Variants in DEXI observed in about 807,000 individuals in gnomAD.
DEXI encodes dexamethasone-induced protein.
In DEXI, 2 loss-of-function variants were observed where a neutral mutation model predicts 2.5. The observed-to-expected ratio is 0.81, with a 90% CI of 0.33 to 2.55. DEXI has a LOEUF of 2.55. DEXI is among the 30% of genes most tolerant of loss of function. The pLI is 0.11. For synonymous variants in DEXI, 71 were observed against 68.7 expected (o/e 1.03, Z -0.17); for missense variants, 108 against 130.3 (o/e 0.83, Z 0.83).
chr16:10,931,318 A>T (rs747462138), intron 1 of DEXI: 1 of 152,708 alleles, frequency 6.5e-6, no homozygotes, highest in Admixed American at 6.5e-5. Context: ...AAAAAAAGAG[A>T]AGATGGAATC....
At chr16:10,935,957 C>A (rs932513820) in intron 1 of DEXI, 8 of 151,332 alleles carry the variant, frequency 5.3e-5, no homozygotes, top group South Asian at 2.1e-4. Flanking sequence ...CAACTCTCCC[C>A]TTTTTATTGT....
At chr16:10,933,983 G>A (rs937967039) in intron 1 of DEXI, 2 of 152,220 alleles carry the variant, frequency 1.3e-5, no homozygotes, top group East Asian at 1.9e-4. Flanking sequence ...GAAGCTGCCT[G>A]TCTCTGCACA....
chr16:10,941,518 C>T lies in DEXI; in HGVS notation c.*149+51G>A, dbSNP rs968516570. 5.0e-6 allele frequency: 7 copies of T among 1,394,946 alleles called. No individual in the cohort carries two copies. In the Admixed American group the frequency reaches 1.9e-4, roughly 37 times the overall value. 86.4% of individuals were successfully genotyped at this position (1,394,946 alleles called of 1,614,324 possible). Reference sequence around the variant, plus strand: ...ATCCGGCCTGGGAATTCCTCCCTCTCCCTTGCTAGCGCCCCAACCCGCCCT... The same window carrying T: ...ATCCGGCCTGGGAATTCCTCCCTCTTCCTTGCTAGCGCCCCAACCCGCCCT... On this transcript the variant is annotated intron_variant, in intron 1 of 1. Transcript: ENST00000331808. The surrounding 1 kb of genome is among the most constrained non-coding windows in gnomAD (Gnocchi z 6.4).
Position 10,942,030 on chromosome 16 carries a change from C to A in DEXI, c.-25G>T. The A allele has an allele frequency of 7.3e-7, 1 of 1,375,244 alleles. No individual in the cohort carries two copies. Among genetic ancestry groups the A allele is most frequent in the Non-Finnish European group, 9.4e-7 (1 of 1,066,236 alleles). The allele number at this position is 1,375,244 out of a possible 1,614,324, so 85.2% of individuals were successfully genotyped here. On this transcript the variant is annotated 5_prime_UTR_variant, in exon 1 of 2. Coordinates refer to ENST00000331808, the MANE Select transcript of DEXI (RefSeq NM_014015.4). This position sits in a 1 kb window ranked among gnomAD's most constrained non-coding sequence, Gnocchi z 5.0. ...TGCAGCGGGTGGCAAGGGCGGCGGCCCGGCGATCCCGGCGAACTCAGCCGC... is the reference window on the plus strand; with the variant it reads ...TGCAGCGGGTGGCAAGGGCGGCGGCACGGCGATCCCGGCGAACTCAGCCGC...
At position 10,937,513 on chromosome 16, in the gene DEXI, T is replaced by C. The variant is rs1000961696; in HGVS notation, c.*149+4056A>G. 5 of 152,232 alleles carry C rather than the reference T, an allele frequency of 3.3e-5. No homozygotes were observed. The highest frequency in any genetic ancestry group is 9.7e-5 in the African/African-American group (4 of 41,426). The allele number at this position is 152,232 out of a possible 1,614,324, so 9.4% of individuals were successfully genotyped here. On this transcript the variant is annotated intron_variant, in intron 1 of 1. Transcript: ENST00000331808. The surrounding 1 kb of genome is among the most constrained non-coding windows in gnomAD (Gnocchi z 4.2). ...AAGCCTAGGAAATCCTGGAATAAGATAGACCAATGCATCGATAACCCTCAG... is the reference window on the plus strand; with the variant it reads ...AAGCCTAGGAAATCCTGGAATAAGACAGACCAATGCATCGATAACCCTCAG...
In DEXI at chr16:10,941,987, C is replaced by G; in HGVS notation, c.19G>C (p.Ala7Pro). ...GGGCCCAGTGCGTCCAGGTGGGCCGCGACCCGGGCGCCGAGCATGCAGCGG... is the reference window on the plus strand; with the variant it reads ...GGGCCCAGTGCGTCCAGGTGGGCCGGGACCCGGGCGCCGAGCATGCAGCGG... MLGARV[A>P]AHLDALGPLV... is the part of the protein sequence containing the mutation. Residue 7 changes from alanine (A) to proline (P), a missense_variant, in exon 1 of 2, where the codon GCG (alanine) becomes CCG (proline). Physicochemically the swap from Ala to Pro is conservative, Grantham distance 27. Transcript: ENST00000331808. The surrounding 1 kb of genome is among the most constrained non-coding windows in gnomAD (Gnocchi z 6.4). The G allele has an allele frequency of 6.7e-7, 1 of 1,485,772 alleles. No individual in the cohort carries two copies. The highest frequency in any genetic ancestry group is 9.0e-7 in the Non-Finnish European group (1 of 1,116,830). 92.0% of individuals were successfully genotyped at this position (1,485,772 alleles called of 1,614,324 possible).
chr16:10,930,984 T>G (rs939175853), intron 1 of DEXI: 1 of 152,312 alleles, frequency 6.6e-6, no homozygotes, highest in African/African-American at 2.4e-5. Context: ...CCAAGGCCTG[T>G]GGTCATCCTT....
intron 1 of DEXI, chr16:10,932,305 T>C (rs532219357): frequency 3.9e-4 from 60 of 152,364 alleles, no homozygotes; most frequent in African/African-American, 1.4e-3. Flanking sequence ...GCATTTACTT[T>C]GTGTTCACCT....
rs578244624 is a variant in DEXI at position 10,941,466 on chromosome 16, G to A, written c.*149+103C>T. 8.4e-7 allele frequency: 1 copy of A among 1,186,578 alleles called. No individual in the cohort carries two copies. Among genetic ancestry groups the A allele is most frequent in the African/African-American group, 1.6e-5 (1 of 64,240 alleles). 73.5% of individuals were successfully genotyped at this position (1,186,578 alleles called of 1,614,324 possible). ...CAGTTAGACCTGGAGGAGGTGAACG[G>A]AGGAGAAGCCTGAGGGAGGGGTGTG... On this transcript the variant is annotated intron_variant, in intron 1 of 1. Transcript: ENST00000331808. This position sits in a 1 kb window ranked among gnomAD's most constrained non-coding sequence, Gnocchi z 6.4.
In DEXI at chr16:10,940,456, T is replaced by A. The variant is rs1198012918; in HGVS notation, c.*149+1113A>T. 1 of 152,252 alleles carries A rather than the reference T, an allele frequency of 6.6e-6. No homozygotes were observed. The highest frequency in any genetic ancestry group is 1.9e-4 in the East Asian group (1 of 5,192). 9.4% of individuals were successfully genotyped at this position (152,252 alleles called of 1,614,324 possible). ...CTCAGCCTGCTTGCGGTGAATGGCA[T>A]TAGTGTCCATTTTCCTAAAGGAGCC... On this transcript the variant is annotated intron_variant, in intron 1 of 1. Coordinates refer to ENST00000331808, the MANE Select transcript of DEXI (RefSeq NM_014015.4). The surrounding 1 kb of genome is among the most constrained non-coding windows in gnomAD (Gnocchi z 4.2).
chr16:10,932,666 CAAA>C (rs796631325), intron 1 of DEXI: 3 of 143,972 alleles, frequency 2.1e-5, no homozygotes, highest in African/African-American at 7.8e-5. Flanking sequence ...CACACACACA[CAAA>C]AAAACACAAA....
At chr16:10,936,890 AT>A (rs1273168223) in intron 1 of DEXI, 1 of 152,240 alleles carries the variant, frequency 6.6e-6, no homozygotes, top group Non-Finnish European at 1.5e-5. Context: ...AAAGCCGAGT[AT>A]GCTTTCAGAA....
chr16:10,932,835 A>C (rs1193770115), intron 1 of DEXI: 3 of 151,746 alleles, frequency 2.0e-5, no homozygotes. Flanking sequence ...CTACAGGCGC[A>C]TGTCACCATG....
intron 1 of DEXI, chr16:10,936,567 C>T (rs1196848237): frequency 6.6e-6 from 1 of 152,210 alleles, no homozygotes; most frequent in African/African-American, 2.4e-5. Flanking sequence ...GCTCTTGCAA[C>T]TTTTCTGTAA....
Position 10,942,234 on chromosome 16 carries a change from C to A in DEXI, c.-229G>T, listed in dbSNP as rs948916558. 22 of 377,166 alleles carry A rather than the reference C, an allele frequency of 5.8e-5. No homozygotes were observed. The highest frequency in any genetic ancestry group is 1.5e-4 in the Admixed American group (3 of 20,102). The allele number at this position is 377,166 out of a possible 1,614,324, so 23.4% of individuals were successfully genotyped here. On this transcript the variant is annotated 5_prime_UTR_variant, in exon 1 of 2. Transcript: ENST00000331808. The surrounding 1 kb of genome is among the most constrained non-coding windows in gnomAD (Gnocchi z 5.0). ...CCCAAGGATCTCTCGACCGCCCGGG[C>A]GGCGAGGCGGGCCCCCCTGAAGTGG...
Position 10,942,233 on chromosome 16 carries a change from G to A in DEXI, c.-228C>T. ...CCCCAAGGATCTCTCGACCGCCCGG[G>A]CGGCGAGGCGGGCCCCCCTGAAGTG... On this transcript the variant is annotated 5_prime_UTR_variant, in exon 1 of 2. Coordinates refer to ENST00000331808, the MANE Select transcript of DEXI (RefSeq NM_014015.4). This position sits in a 1 kb window ranked among gnomAD's most constrained non-coding sequence, Gnocchi z 5.0. 2.6e-6 allele frequency: 1 copy of A among 379,724 alleles called. No homozygotes were observed. The highest frequency in any genetic ancestry group is 4.7e-6 in the Non-Finnish European group (1 of 213,444). 23.5% of individuals were successfully genotyped at this position (379,724 alleles called of 1,614,324 possible). A position where few individuals can be genotyped will look rare whatever the true frequency, so the allele number is the denominator to read the frequency against.
At position 10,941,870 on chromosome 16, in the gene DEXI, G is replaced by A. The variant is rs1287247196; in HGVS notation, c.136C>T (p.Leu46Phe). 2 of 1,612,294 alleles carry A rather than the reference G, an allele frequency of 1.2e-6. No homozygotes were observed. The highest frequency in any genetic ancestry group is 2.2e-5 in the South Asian group (2 of 90,980). ...VNVLILYYAF[L>F]MEYIVLNVGL... ...ACGTTGAGGACGATGTACTCCATGA[G>A]GAAGGCGTAGTACAGGATCAGCACA... The change falls in exon 1 of 2, where the codon CTC becomes TTC. Residue 46 changes from leucine to phenylalanine, a missense_variant. Transcript: ENST00000331808. This position sits in a 1 kb window ranked among gnomAD's most constrained non-coding sequence, Gnocchi z 6.4.
chr16:10,934,407 CTG>C lies in DEXI; in HGVS notation c.*150-4850_*150-4849del, dbSNP rs1217242960. On this transcript the variant is annotated intron_variant, in intron 1 of 1. Coordinates refer to ENST00000331808, the MANE Select transcript of DEXI (RefSeq NM_014015.4). The surrounding 1 kb of genome is among the most constrained non-coding windows in gnomAD (Gnocchi z 4.2). ...AGCTTGATACCCTTGGCCTGTATAA[CTG>C]AGCCTTGTGCCAGTTAAAAGGGCAA... 6.6e-6 allele frequency: 1 copy of C among 152,216 alleles called. No homozygotes were observed. The highest frequency in any genetic ancestry group is 1.5e-5 in the Non-Finnish European group (1 of 68,042). 9.4% of individuals were successfully genotyped at this position (152,216 alleles called of 1,614,324 possible). A position where few individuals can be genotyped will look rare whatever the true frequency, so the allele number is the denominator to read the frequency against.
rs1283853269 is a variant in DEXI at position 10,942,335 on chromosome 16, G to A, written c.-330C>T. ...TCGCAGAGCCGGTGGGGATCCCACC[G>A]CGGCTCAGTGTCTAGGGCCGGTCCC... is the stretch of plus-strand genomic sequence containing the variant. On this transcript the variant is annotated 5_prime_UTR_variant, in exon 1 of 2. Coordinates refer to ENST00000331808, the MANE Select transcript of DEXI (RefSeq NM_014015.4). The surrounding 1 kb of genome is among the most constrained non-coding windows in gnomAD (Gnocchi z 5.0). 4 of 251,558 alleles carry A rather than the reference G, an allele frequency of 1.6e-5. No homozygotes were observed. The highest frequency in any genetic ancestry group is 2.3e-5 in the African/African-American group (1 of 43,138). 15.6% of individuals were successfully genotyped at this position (251,558 alleles called of 1,614,324 possible). A position where few individuals can be genotyped will look rare whatever the true frequency, so the allele number is the denominator to read the frequency against.
Sources: gnomAD v4.1 joint callset for allele counts on GRCh38, gnomAD v4.1.1 for gene constraint, Gnocchi (gnomAD v3.1) non-coding constraint, MANE v1.5 for transcripts, NCBI Gene and HGNC (gene_info 2026-07-23, HGNC 2026-07-21) for gene names.